Variants in SORCS3 observed in about 807,000 individuals in gnomAD.
SORCS3 encodes the protein sortilin related VPS10 domain containing receptor 3.
In SORCS3, 57 loss-of-function variants were observed where a neutral mutation model predicts 146.3. That is an observed-to-expected ratio of 0.39 (90% CI 0.31 to 0.49). The LOEUF (loss-of-function observed/expected upper bound fraction) is 0.49, where lower values mean the gene tolerates loss of function less well. SORCS3 is among the 20% of genes least tolerant of loss of function. The pLI is 0.92. For missense variants in SORCS3, 1,341 were observed against 1,575.5 expected, an observed-to-expected ratio of 0.85 and a Z score of 2.52; for synonymous variants, 653 against 618.5, an observed-to-expected ratio of 1.06 and a Z score of -0.83.
At chr10:104,742,140 G>A (rs766202281) in intron 1 of SORCS3, among the ~76,000 whole-genome samples, 3 of 152,012 alleles carry the variant, frequency 2.0e-5, no homozygotes, top group Non-Finnish European at 4.4e-5. Context: ...CCTTGTTACT[G>A]CCAGGTGAGG....
At chr10:104,843,175 GA>G (rs1253265724) in intron 2 of SORCS3, among the ~76,000 whole-genome samples, 1 of 152,146 alleles carries the variant, frequency 6.6e-6, no homozygotes, top group Non-Finnish European at 1.5e-5. Context: ...AGAGGTTCTT[GA>G]TTAGGAAGCC....
chr10:105,104,157 T>C (rs113379632), intron 6 of SORCS3, among the ~76,000 whole-genome samples: 1 of 152,224 alleles, frequency 6.6e-6, no homozygotes, highest in African/African-American at 2.4e-5. Context: ...TCTGCACACA[T>C]ATGTGCACAT....
intron 14 of SORCS3, among the ~76,000 whole-genome samples, 159 bp from the exon 15 acceptor site, chr10:105,199,840 T>A (rs1428475263): frequency 6.6e-6 from 1 of 152,196 alleles, no homozygotes; most frequent in African/African-American, 2.4e-5. Flanking sequence ...GTATGGATAG[T>A]GGACTTTCTC....
chr10:105,116,316 A>G (rs1490306218), intron 7 of SORCS3, among the ~76,000 whole-genome samples: 3 of 152,132 alleles, frequency 2.0e-5, no homozygotes, highest in Non-Finnish European at 4.4e-5. Flanking sequence ...ATTTATTCCC[A>G]AGTAGGATGC....
chr10:104,839,868 T>C (rs1179993797), intron 1 of SORCS3, among the ~76,000 whole-genome samples: 1 of 152,088 alleles, frequency 6.6e-6, no homozygotes, highest in South Asian at 2.1e-4. Context: ...AAGATGGACA[T>C]CTGACCCCCC....
chr10:105,102,709 G>A (rs1292524626), intron 6 of SORCS3, among the ~76,000 whole-genome samples: 3 of 151,570 alleles, frequency 2.0e-5, no homozygotes, highest in African/African-American at 2.4e-5. Context: ...GTGGCTCCTG[G>A]GTTTCATTTG....
chr10:104,722,146 C>A (rs1189047556), intron 1 of SORCS3, among the ~76,000 whole-genome samples: 2 of 152,118 alleles, frequency 1.3e-5, no homozygotes, highest in African/African-American at 2.4e-5. Flanking sequence ...TTTGGAGATT[C>A]ATCCCATCAA....
intron 8 of SORCS3, among the ~76,000 whole-genome samples, chr10:105,145,202 G>A (rs754160341): frequency 2.6e-5 from 4 of 152,150 alleles, no homozygotes; most frequent in Admixed American, 6.5e-5. Context: ...CACTGATACA[G>A]TGTTTAGAAG....
At chr10:104,686,291 A>AATT (rs1180875481) in intron 1 of SORCS3, among the ~76,000 whole-genome samples, 2 of 151,582 alleles carry the variant, frequency 1.3e-5, no homozygotes, top group African/African-American at 4.9e-5. Context: ...GGAGGGTGGT[A>AATT]ATTTTTGTTG....
At chr10:104,670,863 T>C (rs2015842507) in intron 1 of SORCS3, among the ~76,000 whole-genome samples, 1 of 131,490 alleles carries the variant, frequency 7.6e-6, no homozygotes, top group Non-Finnish European at 1.7e-5. Flanking sequence ...TATTTTATAA[T>C]TTTCATTGAC....
intron 20 of SORCS3, among the ~76,000 whole-genome samples, chr10:105,244,315 A>C (rs1054380092): frequency 6.6e-6 from 1 of 151,992 alleles, no homozygotes; most frequent in African/African-American, 2.4e-5. Flanking sequence ...CTTGAACAAC[A>C]AGGGTTTGAA....
Position 104,642,048 on chromosome 10 carries a change from G to C in SORCS3, c.627+94G>C, listed in dbSNP as rs1169488025. 2.9e-6 allele frequency: 4 copies of C among 1,383,630 alleles called. No homozygotes were observed. The East Asian group carries it at 1.0e-4, about 36-fold the overall frequency. 85.7% of individuals were successfully genotyped at this position (1,383,630 alleles called of 1,614,324 possible). ...AGCGAGGGACAGATAGTTGCTCGGG[G>C]GTCGAGGCGGGGGACGCCTCGACTT... On this transcript the variant is annotated intron_variant, in intron 1 of 26. Coordinates refer to ENST00000369701, the MANE Select transcript of SORCS3 (RefSeq NM_014978.3).
intron 2 of SORCS3, among the ~76,000 whole-genome samples, chr10:104,885,380 T>G (rs2018672337): frequency 6.6e-6 from 1 of 152,202 alleles, no homozygotes; most frequent in Non-Finnish European, 1.5e-5. Context: ...GTGTTTCAAG[T>G]GAGCAAGACA....
intron 2 of SORCS3, among the ~76,000 whole-genome samples, chr10:104,849,593 G>A (rs959007545): frequency 6.6e-6 from 1 of 152,104 alleles, no homozygotes; most frequent in Admixed American, 6.5e-5. Flanking sequence ...AACACCTTGA[G>A]CAATGTTTTC....
chr10:105,066,505 G>T lies in SORCS3; in HGVS notation c.1029-23270G>T, dbSNP rs1007791949. ...CCTTGCCAGGAGCAGAGCTGGTGTG[G>T]GGTCTTGGATTTGCTGCCTCACATT... On this transcript the variant is annotated intron_variant, in intron 5 of 26. Coordinates refer to ENST00000369701, the MANE Select transcript of SORCS3 (RefSeq NM_014978.3). Among the ~76,000 whole-genome samples the T allele has an allele frequency of 4.6e-5, 7 of 152,122 alleles. No homozygotes were observed. The South Asian group carries it at 1.2e-3, about 27-fold the overall frequency.
chr10:105,233,250 C>A (rs1158249659), intron 20 of SORCS3, among the ~76,000 whole-genome samples: 2 of 151,934 alleles, frequency 1.3e-5, no homozygotes, highest in Non-Finnish European at 2.9e-5. Context: ...ATTCTAAATT[C>A]TTGTCTCTTG....
chr10:104,726,156 C>G (rs1201604656), intron 1 of SORCS3, among the ~76,000 whole-genome samples: 7 of 152,186 alleles, frequency 4.6e-5, no homozygotes, highest in Non-Finnish European at 7.3e-5. Flanking sequence ...GTAAACAAGT[C>G]TGTCATCAGA....
At chr10:105,015,199 AC>A (rs1467302709) in intron 4 of SORCS3, among the ~76,000 whole-genome samples, 1 of 151,918 alleles carries the variant, frequency 6.6e-6, no homozygotes, top group Non-Finnish European at 1.5e-5. Context: ...TTGAACAACT[AC>A]TTTGGAGAAC....
chr10:104,788,053 C>A (rs2017457952), intron 1 of SORCS3, among the ~76,000 whole-genome samples: 2 of 152,198 alleles, frequency 1.3e-5, no homozygotes, highest in African/African-American at 2.4e-5. Flanking sequence ...GGAGCCACTT[C>A]TTCCAGATTG....
Sources: gnomAD v4.1 joint callset for allele counts (sites outside exome capture counted in the v4.1 genomes callset) on GRCh38, gnomAD v4.1.1 for gene constraint, MANE v1.5 for transcripts, NCBI Gene and HGNC (gene_info 2026-07-23, HGNC 2026-07-21) for gene names.